The following MYO3B variants were observed in gnomAD, a reference collection of about 807,000 sequenced individuals.
The protein encoded by MYO3B is myosin-IIIb.
In MYO3B, 156 loss-of-function variants were observed where a neutral mutation model predicts 174.6. That is an observed-to-expected ratio of 0.89 (90% CI 0.78 to 1.02). The LOEUF is 1.02. MYO3B is among the 50% of genes least tolerant of loss of function. The pLI is 0.00. For synonymous variants in MYO3B, 563 were observed against 569.1 expected, an observed-to-expected ratio of 0.99 and a Z score of 0.15; for missense variants, 1,632 against 1,639.4, an observed-to-expected ratio of 1.00 and a Z score of 0.08.
intron 7 of MYO3B, among the ~76,000 whole-genome samples, chr2:170,255,475 T>C (rs2093296683): frequency 6.6e-6 from 1 of 152,146 alleles, no homozygotes; most frequent in African/African-American, 2.4e-5. Flanking sequence ...GCCTGAATTA[T>C]ACAAAAATAA....
chr2:170,625,685 G>T (rs1696352839), intron 32 of MYO3B, among the ~76,000 whole-genome samples: 1 of 152,122 alleles, frequency 6.6e-6, no homozygotes, highest in South Asian at 2.1e-4. Context: ...TCTCTTGTGG[G>T]CATTTAGTGC....
chr2:170,460,632 A>G (rs887371565), intron 23 of MYO3B, among the ~76,000 whole-genome samples: 2 of 152,006 alleles, frequency 1.3e-5, no homozygotes, highest in East Asian at 3.9e-4. Flanking sequence ...TCCAAACATC[A>G]CTCTGTATGT....
chr2:170,329,988 G>GTT (rs58907325), intron 7 of MYO3B, among the ~76,000 whole-genome samples: 6 of 152,002 alleles, frequency 3.9e-5, no homozygotes, highest in African/African-American at 1.5e-4. Flanking sequence ...GAAATAGAAT[G>GTT]TTTTTTTAAC....
At chr2:170,466,887 G>A (rs1304118838) in intron 25 of MYO3B, among the ~76,000 whole-genome samples, 176 bp downstream of exon 25, 1 of 152,224 alleles carries the variant, frequency 6.6e-6, no homozygotes, top group Non-Finnish European at 1.5e-5. Flanking sequence ...CTAAACTGCA[G>A]TGATCCAGCA....
chr2:170,219,013 G>A (rs1206492701), intron 6 of MYO3B, among the ~76,000 whole-genome samples: 1 of 152,148 alleles, frequency 6.6e-6, no homozygotes, highest in Non-Finnish European at 1.5e-5. Flanking sequence ...GTAGTGAACA[G>A]CAGGTGACTC....
chr2:170,409,334 C>G (rs530993110), intron 22 of MYO3B, among the ~76,000 whole-genome samples: 4 of 152,358 alleles, frequency 2.6e-5, no homozygotes, highest in African/African-American at 7.2e-5. Flanking sequence ...ACCTCCGCCG[C>G]TGCGTCTTTT....
intron 22 of MYO3B, among the ~76,000 whole-genome samples, chr2:170,439,265 A>G (rs879814270): frequency 4.6e-5 from 7 of 151,840 alleles, no homozygotes; most frequent in Non-Finnish European, 8.8e-5. Context: ...CCAGCTACTC[A>G]GGAGGCTGAG....
intron 30 of MYO3B, among the ~76,000 whole-genome samples, chr2:170,538,109 C>T (rs73975702): frequency 0.017 from 2,567 of 152,170 alleles, 69 homozygotes; most frequent in African/African-American, 0.047. Context: ...TGTGTCTCAA[C>T]GCCTATCCAA....
In MYO3B at chr2:170,552,609, C is replaced by A. The variant is rs148632488; in HGVS notation, c.3733+8621C>A. Among the ~76,000 whole-genome samples the A allele has an allele frequency of 5.3e-4, 81 of 152,230 alleles. 1 individual carries two copies. The highest frequency in any genetic ancestry group is 1.7e-3 in the African/African-American group (69 of 41,524). On this transcript the variant is annotated intron_variant, in intron 32 of 34. Transcript: ENST00000408978. ...CTAGAACGTTTATTTAAAAGGGAAG[C>A]AGAGCATAAAAGTTTGGAAAATTTG...
chr2:170,240,867 C>T (rs983114689), intron 7 of MYO3B, among the ~76,000 whole-genome samples: 3 of 152,220 alleles, frequency 2.0e-5, no homozygotes, highest in Non-Finnish European at 4.4e-5. Context: ...TCTCTCCCTT[C>T]TCCAAACTCC....
chr2:170,433,700 G>A (rs2094729265), intron 22 of MYO3B, among the ~76,000 whole-genome samples: 2 of 152,180 alleles, frequency 1.3e-5, no homozygotes, highest in Non-Finnish European at 2.9e-5. Context: ...GCCCTATCTT[G>A]TCTGGGTCTG....
intron 32 of MYO3B, among the ~76,000 whole-genome samples, chr2:170,624,079 C>G (rs1696177632): frequency 1.3e-5 from 2 of 152,236 alleles, no homozygotes; most frequent in Non-Finnish European, 2.9e-5. Flanking sequence ...TCCATATGAA[C>G]TTTAAAGTAG....
At chr2:170,431,086 T>C (rs1290066584) in intron 22 of MYO3B, among the ~76,000 whole-genome samples, 2 of 152,210 alleles carry the variant, frequency 1.3e-5, no homozygotes, top group African/African-American at 2.4e-5. Flanking sequence ...TATGTGGCTT[T>C]TATTTTATTG....
rs143580960 is a variant in MYO3B, at chr2:170,528,612, G to T, written c.3575+9072G>T. ...ATAGAGACGGAGTTTCACCATGTTG[G>T]CCAGGATGGTCTCAATCTCTTGACC... On this transcript the variant is annotated intron_variant, in intron 30 of 34. Transcript: ENST00000408978. 7.8e-4 allele frequency among the ~76,000 whole-genome samples: 118 copies of T among 152,080 alleles called. No individual in the cohort carries two copies. The East Asian group carries it at 0.022, about 28-fold the overall frequency.
rs769243145 is a variant in MYO3B at position 170,372,118 on chromosome 2, CAAAAAA to C, written c.971+2763_971+2768del. ...TGGGCAACAGAGTGAGACCCTGTCT[CAAAAAA>C]AAAAAAAAAAAAAAAAAAAAACAAC... On this transcript the variant is annotated intron_variant, in intron 9 of 34. Transcript: ENST00000408978. 4.5e-4 allele frequency among the ~76,000 whole-genome samples: 10 copies of C among 22,210 alleles called. No homozygotes were observed. The East Asian group carries it at 8.0e-3, about 18-fold the overall frequency. 14.6% of individuals were successfully genotyped at this position (22,210 alleles called of 152,430 possible).
chr2:170,195,474 C>T (rs148706903), intron 1 of MYO3B, among the ~76,000 whole-genome samples: 120 of 152,104 alleles, frequency 7.9e-4, no homozygotes, highest in African/African-American at 2.8e-3. Flanking sequence ...ATCTTCCCAC[C>T]CCATCCCCAT....
intron 29 of MYO3B, among the ~76,000 whole-genome samples, chr2:170,519,149 A>G (rs1227324207): frequency 6.6e-6 from 1 of 152,114 alleles, no homozygotes; most frequent in East Asian, 1.9e-4. Flanking sequence ...CGGGACCCAA[A>G]TCACTTGGGG....
intron 8 of MYO3B, among the ~76,000 whole-genome samples, chr2:170,367,229 A>C (rs2094205589): frequency 6.6e-6 from 1 of 152,242 alleles, no homozygotes; most frequent in Admixed American, 6.5e-5. Flanking sequence ...CGCTTCAACA[A>C]TTAACACAGG....
chr2:170,580,157 A>G (rs536171771), intron 32 of MYO3B, among the ~76,000 whole-genome samples: 26 of 152,330 alleles, frequency 1.7e-4, no homozygotes, highest in African/African-American at 6.3e-4. Context: ...TTATCAAGGT[A>G]TGTCTAATAG....
Sources: allele counts gnomAD v4.1 joint callset (sites outside exome capture counted in the v4.1 genomes callset), GRCh38; gene constraint gnomAD v4.1.1; transcripts MANE v1.5; gene names NCBI Gene and HGNC (gene_info 2026-07-23, HGNC 2026-07-21).